The following HNF1A variants were observed in gnomAD, a reference collection of about 807,000 sequenced individuals.
HNF1A encodes HNF1 homeobox A.
HNF1A carries 21 observed loss-of-function variants against 62.2 expected under a neutral mutation model. That is an observed-to-expected ratio of 0.34 (90% confidence interval 0.24 to 0.49). HNF1A has a LOEUF of 0.49. Among genes scored for constraint, HNF1A ranks in the 20% least tolerant of loss-of-function variants. The pLI, the probability that HNF1A is intolerant of heterozygous loss-of-function variation, is 0.99. For missense variants in HNF1A, 687 were observed against 832.3 expected (o/e 0.83, Z 2.15); for synonymous variants, 374 against 366.8 (o/e 1.02, Z -0.22).
intron 4 of HNF1A, among the ~76,000 whole-genome samples, chr12:120,995,270 C>A (rs928640511): frequency 6.6e-6 from 1 of 151,900 alleles, no homozygotes; most frequent in Non-Finnish European, 1.5e-5. Context: ...CAGCTCCACT[C>A]CATCCACTCC....
chr12:120,998,831 A>G (rs1877256226), intron 7 of HNF1A, among the ~76,000 whole-genome samples: 1 of 151,530 alleles, frequency 6.6e-6, no homozygotes, highest in Admixed American at 6.6e-5. Flanking sequence ...TGAGTTTAGT[A>G]CAGTAGCACC....
In HNF1A at chr12:120,996,630, G is replaced by C. The variant is rs1380254570; in HGVS notation, c.1197G>C (p.Gln399His). 6.2e-7 allele frequency: 1 copy of C among 1,614,082 alleles called. No individual in the cohort carries two copies. Among genetic ancestry groups the C allele is most frequent in the African/African-American group, 1.3e-5 (1 of 75,004 alleles). Residue 399 changes from glutamine to histidine, a missense_variant, in exon 6 of 10, where the codon CAG (glutamine) becomes CAC (histidine). Physicochemically the swap from Gln to His is conservative, Grantham distance 24. Around this residue, in one of 5 missense-constraint regions of HNF1A, gnomAD observed 408 missense variants for 455.3 expected, o/e 0.90. Coordinates refer to ENST00000257555, the MANE Select transcript of HNF1A (RefSeq NM_000545.8). This position sits in a 1 kb window ranked among gnomAD's most constrained non-coding sequence, Gnocchi z 4.5. ...LEQTSPGLNQQPQNLIMASLP... is the reference protein window; with the variant it reads ...LEQTSPGLNQHPQNLIMASLP... ...AGACATCCCCAGGCCTCAACCAGCAGCCCCAGAACCTCATCATGGCCTCAC... is the reference window on the plus strand; with the variant it reads ...AGACATCCCCAGGCCTCAACCAGCACCCCCAGAACCTCATCATGGCCTCAC...
rs1565888138 is a variant in HNF1A at position 120,999,573 on chromosome 12, C to G, written c.1714C>G (p.Pro572Ala). The change falls in exon 9 of 10, where the codon CCT (proline) becomes GCT (alanine). Residue 572 changes from proline (P) to alanine (A), a missense_variant. Transcript: ENST00000257555. ...CACCCTCCACGTCCCCAGCCAGGAC[C>G]CTGCCAGCATCCAGCACCTGCAGCC... ...ATTLHVPSQD[P>A]ASIQHLQPAH... 2 of 1,612,882 alleles carry G rather than the reference C, an allele frequency of 1.2e-6. No individual in the cohort carries two copies. The highest frequency in any genetic ancestry group is 1.7e-6 in the Non-Finnish European group (2 of 1,179,806).
In HNF1A at chr12:120,996,291, G is replaced by A. The variant is rs1206311303; in HGVS notation, c.985G>A (p.Glu329Lys). 2.5e-6 allele frequency: 4 copies of A among 1,614,088 alleles called. No individual in the cohort carries two copies. The highest frequency in any genetic ancestry group is 2.2e-5 in the East Asian group (1 of 44,894). The part of the protein sequence containing the change: ...GVRYGQPATS[E>K]TAEVPSSSGG... ...GCGCTATGGACAGCCTGCGACCAGT[G>A]AGACTGCAGAAGTACCCTCAAGCAG... The change falls in exon 5 of 10, where the codon GAG (glutamate) becomes AAG (lysine). Residue 329 changes from glutamate (E) to lysine (K), a missense_variant. Around this residue, in one of 5 missense-constraint regions of HNF1A, gnomAD observed 408 missense variants for 455.3 expected, o/e 0.90. Transcript: ENST00000257555. This position sits in a 1 kb window ranked among gnomAD's most constrained non-coding sequence, Gnocchi z 4.5.
intron 6 of HNF1A, chr12:120,997,130 A>G: frequency 2.9e-6 from 4 of 1,400,518 alleles, no homozygotes; most frequent in Non-Finnish European, 3.7e-6. Flanking sequence ...CATAAGATAG[A>G]TAAGGAGCTG....
rs2135839699 is a variant in HNF1A, at chr12:120,993,662, C to T, written c.669C>T (p.Asn223=). ...ILFQAYERQK[N]PSKEERETLV... is the part of the protein sequence containing the mutation. The stretch of plus-strand genomic sequence containing the variant: ...TCCAGGCCTATGAGAGGCAGAAGAA[C>T]CCTAGCAAGGAGGAGCGAGAGACGC... The change falls in exon 3 of 10, where the codon AAC becomes AAT. Residue 223 remains asparagine (N), a synonymous_variant. Transcript: ENST00000257555. The T allele has an allele frequency of 6.2e-7, 1 of 1,614,080 alleles. No homozygotes were observed. Among genetic ancestry groups the T allele is most frequent in the Non-Finnish European group, 8.5e-7 (1 of 1,180,020 alleles).
intron 1 of HNF1A, among the ~76,000 whole-genome samples, chr12:120,987,813 C>CTATCTAT (rs1876596927): frequency 6.7e-6 from 1 of 149,986 alleles, no homozygotes; most frequent in African/African-American, 2.5e-5. Flanking sequence ...TATCTATCTA[C>CTATCTAT]GTGTTTGCAC....
chr12:121,001,070 T>C lies in HNF1A; in HGVS notation c.1774T>C (p.Ser592Pro), dbSNP rs1352126690. The C allele has an allele frequency of 6.2e-6, 10 of 1,613,246 alleles. No homozygotes were observed. The highest frequency in any genetic ancestry group is 7.6e-6 in the Non-Finnish European group (9 of 1,179,836). ...AGCCTTGTTTGCCTCTGCAGTGTCC[T>C]CCAGCAGCCTGGTGCTGTACCAGAG... is the stretch of plus-strand genomic sequence containing the variant. ...HRLSASPTVS[S>P]SSLVLYQSSD... The change falls in exon 10 of 10, where the codon TCC (serine) becomes CCC (proline). Residue 592 changes from serine (S) to proline (P), a missense_variant. This residue lies in a region of HNF1A where 408 missense variants were observed against 455.3 expected (regional missense o/e 0.90). Coordinates refer to ENST00000257555, the MANE Select transcript of HNF1A (RefSeq NM_000545.8).
rs1319369246 is a variant in HNF1A, at chr12:120,996,066, C to T, written c.956-196C>T. Among the ~76,000 whole-genome samples, 2 of 152,162 alleles carry T rather than the reference C, an allele frequency of 1.3e-5. No homozygotes were observed. The highest frequency in any genetic ancestry group is 2.9e-5 in the Non-Finnish European group (2 of 68,030). On this transcript the variant is annotated intron_variant, in intron 4 of 9. Transcript: ENST00000257555. The surrounding 1 kb of genome is among the most constrained non-coding windows in gnomAD (Gnocchi z 4.5). ...AGGAATGGAGCTAATAAATGCAGTCCCAGCCTTCAAGGAACTGGGAGCAGC... is the reference window on the plus strand; with the variant it reads ...AGGAATGGAGCTAATAAATGCAGTCTCAGCCTTCAAGGAACTGGGAGCAGC...
intron 4 of HNF1A, among the ~76,000 whole-genome samples, chr12:120,995,550 CACTCT>C (rs1877055531): frequency 6.6e-6 from 1 of 152,006 alleles, no homozygotes; most frequent in South Asian, 2.1e-4. Flanking sequence ...CATTCCACTC[CACTCT>C]ATTCACATAC....
Position 120,988,827 on chromosome 12 carries a change from T to C in HNF1A, c.327-6T>C. 6.2e-7 allele frequency: 1 copy of C among 1,614,076 alleles called. No homozygotes were observed. On this transcript the variant is annotated splice_polypyrimidine_tract_variant and splice_region_variant and intron_variant, in intron 1 of 9. Coordinates refer to ENST00000257555, the MANE Select transcript of HNF1A (RefSeq NM_000545.8). Reference sequence around the variant, plus strand: ...CTGAGCAGATCCCGTCCTTGCCCTCTCCCAGGGAGGACCCGTGGCGTGTGG... The same window carrying C: ...CTGAGCAGATCCCGTCCTTGCCCTCCCCCAGGGAGGACCCGTGGCGTGTGG...
At chr12:120,988,257 C>G (rs1207202339) in intron 1 of HNF1A, among the ~76,000 whole-genome samples, 3 of 136,344 alleles carry the variant, frequency 2.2e-5, no homozygotes, top group Non-Finnish European at 4.8e-5. Context: ...ATCCATCATC[C>G]ATCCACCCAC....
At chr12:120,998,363 C>T (rs1877227019) in intron 7 of HNF1A, 1 of 157,546 alleles carries the variant, frequency 6.3e-6, no homozygotes, top group Admixed American at 6.0e-5. Flanking sequence ...TTGAGACAGC[C>T]CCCTGTGATC....
At position 121,001,804 on chromosome 12, in the gene HNF1A, C is replaced by A; in HGVS notation, c.*612C>A. 1 of 535,968 alleles carries A rather than the reference C, an allele frequency of 1.9e-6. No homozygotes were observed. The highest frequency in any genetic ancestry group is 3.6e-6 in the Non-Finnish European group (1 of 276,286). The allele number at this position is 535,968 out of a possible 1,614,324, so 33.2% of individuals were successfully genotyped here. On this transcript the variant is annotated 3_prime_UTR_variant, in exon 10 of 10. Coordinates refer to ENST00000257555, the MANE Select transcript of HNF1A (RefSeq NM_000545.8). The stretch of plus-strand genomic sequence containing the variant: ...AGCCTGGGGCTCTAACGCCTGAGCC[C>A]AGGGAGGCCGAAGCTAACAGGGAAG...
intron 9 of HNF1A, chr12:121,000,784 G>A: frequency 2.1e-6 from 1 of 481,714 alleles, no homozygotes; most frequent in Non-Finnish European, 3.8e-6. Context: ...ACTCAGCCTA[G>A]CCAAGCCAAC....
intron 2 of HNF1A, among the ~76,000 whole-genome samples, chr12:120,989,683 T>A (rs1876715843): frequency 1.3e-5 from 2 of 152,210 alleles, no homozygotes; most frequent in Non-Finnish European, 2.9e-5. Context: ...TAATGGCCAC[T>A]ATTTATCATG....
chr12:120,988,456 CCACCCATTCATCCATTCATCCATT>C (rs1276966230), intron 1 of HNF1A, among the ~76,000 whole-genome samples: 1 of 152,186 alleles, frequency 6.6e-6, no homozygotes, highest in Non-Finnish European at 1.5e-5. Context: ...ATCCGTCCAT[CCACCCATTCATCCATTCATCCATT>C]CACCCATCCA....
chr12:120,978,855 A>T lies in HNF1A; in HGVS notation c.87A>T (p.Ala29=). 6.2e-7 allele frequency: 1 copy of T among 1,613,346 alleles called. No individual in the cohort carries two copies. Among genetic ancestry groups the T allele is most frequent in the Non-Finnish European group, 8.5e-7 (1 of 1,179,838 alleles). ...TGAGCAAAGAGGCACTGATCCAGGC[A>T]CTGGGTGAGCCGGGGCCCTACCTCC... is the stretch of plus-strand genomic sequence containing the variant. ...SGLSKEALIQ[A]LGEPGPYLLA... The change falls in exon 1 of 10, where the codon GCA becomes GCT. Residue 29 remains alanine (A), a synonymous_variant. Transcript: ENST00000257555.
At position 120,984,020 on chromosome 12, in the gene HNF1A, A is replaced by G. The variant is rs1466916211; in HGVS notation, c.327-4813A>G. On this transcript the variant is annotated intron_variant, in intron 1 of 9. Coordinates refer to ENST00000257555, the MANE Select transcript of HNF1A (RefSeq NM_000545.8). Reference sequence around the variant, plus strand: ...AAGGGAGTGGGGGGTAGGGAGAGAGAGACATCGATTCAGTAGGTTCTAGAA... The same window carrying G: ...AAGGGAGTGGGGGGTAGGGAGAGAGGGACATCGATTCAGTAGGTTCTAGAA... Among the ~76,000 whole-genome samples the G allele has an allele frequency of 2.0e-5, 3 of 151,798 alleles. No homozygotes were observed. The East Asian group carries it at 5.8e-4, about 29-fold the overall frequency.
Sources: gnomAD v4.1 joint callset for allele counts (sites outside exome capture counted in the v4.1 genomes callset) on GRCh38, gnomAD v4.1.1 for gene constraint, gnomAD v4.1.1 regional missense constraint, Gnocchi (gnomAD v3.1) non-coding constraint, MANE v1.5 for transcripts, NCBI Gene and HGNC (gene_info 2026-07-23, HGNC 2026-07-21) for gene names.